FYB1: variants seen among roughly 807,000 people sequenced by gnomAD.
The protein encoded by FYB1 is FYN binding protein 1.
A neutral mutation model predicts 94.1 loss-of-function variants in FYB1; 41 were observed. The ratio of observed to expected loss-of-function variants is 0.44; its 90% CI spans 0.34 to 0.57. FYB1 has a LOEUF of 0.57. FYB1 is among the 20% of genes least tolerant of loss of function. FYB1 has a pLI of 0.02. For synonymous variants in FYB1, 367 were observed against 353.2 expected, an observed-to-expected ratio of 1.04 and a Z score of -0.44; for missense variants, 1,050 against 976.8, an observed-to-expected ratio of 1.07 and a Z score of -1.00.
chr5:39,188,029 G>A (rs1747004856), intron 2 of FYB1, among the ~76,000 whole-genome samples: 2 of 152,104 alleles, frequency 1.3e-5, no homozygotes, highest in South Asian at 4.1e-4. Flanking sequence ...GGTGTTCTGT[G>A]GGTAGAACAC....
At chr5:39,272,574 A>T (rs1216277449) in intron 1 of FYB1, among the ~76,000 whole-genome samples, 1 of 147,130 alleles carries the variant, frequency 6.8e-6, no homozygotes, top group East Asian at 2.1e-4. Context: ...CGGGAGGCTG[A>T]GGCAGGAGAA....
At chr5:39,182,464 GTCTACCTTTGGTTAATAT>G (rs1746350861) in intron 2 of FYB1, among the ~76,000 whole-genome samples, 2 of 152,096 alleles carry the variant, frequency 1.3e-5, no homozygotes, top group South Asian at 4.2e-4. Context: ...TAGACCTGAG[GTCTACCTTTGGTTAATAT>G]AAAATTTTAA....
rs71606520 is a variant in FYB1, at chr5:39,147,452, CTGTGTG to C, written c.1292+5990_1292+5995del. Among the ~76,000 whole-genome samples the C allele has an allele frequency of 5.9e-4, 86 of 144,602 alleles. No homozygotes were observed. The East Asian group carries it at 0.014, about 23-fold the overall frequency. 94.9% of individuals were successfully genotyped at this position (144,602 alleles called of 152,430 possible). ...CCCAGCTAAACTTTTGTACATATGC[CTGTGTG>C]TGTGTGTGTGTGTGTGTGTGTGTGT... On this transcript the variant is annotated intron_variant, in intron 3 of 18. Transcript: ENST00000512982.
chr5:39,228,329 G>T (rs1750572211), intron 1 of FYB1, among the ~76,000 whole-genome samples: 1 of 152,190 alleles, frequency 6.6e-6, no homozygotes, highest in South Asian at 2.1e-4. Context: ...GTATTAGAAA[G>T]ACTTTAAGCA....
chr5:39,169,522 C>T (rs2150394782), intron 2 of FYB1: 3 of 574,660 alleles, frequency 5.2e-6, no homozygotes, highest in South Asian at 4.4e-5. Flanking sequence ...GAGGCAGAGT[C>T]CATCTGCTGT....
intron 1 of FYB1, among the ~76,000 whole-genome samples, chr5:39,215,505 G>A (rs957006062): frequency 6.6e-5 from 10 of 152,216 alleles, no homozygotes; most frequent in African/African-American, 2.4e-4. Flanking sequence ...AACCCACCCT[G>A]CTGTGCTCCT....
At position 39,138,708 on chromosome 5, in the gene FYB1, T is replaced by C. The variant is rs754234244; in HGVS notation, c.1360-17A>G. ...GTCTTGTTCCTGTAAAGAAAAACAT[T>C]GATAATGATTAATTTTTATTATTTA... On this transcript the variant is annotated splice_polypyrimidine_tract_variant and intron_variant, in intron 5 of 18. Transcript: ENST00000512982. The C allele has an allele frequency of 4.2e-5, 59 of 1,392,630 alleles. 1 individual carries two copies. The South Asian group carries it at 6.1e-4, about 14-fold the overall frequency. The allele number at this position is 1,392,630 out of a possible 1,614,324, so 86.3% of individuals were successfully genotyped here. A position where few individuals can be genotyped will look rare whatever the true frequency, so the allele number is the denominator to read the frequency against.
chr5:39,216,640 C>T (rs1420495924), intron 1 of FYB1, among the ~76,000 whole-genome samples: 1 of 152,124 alleles, frequency 6.6e-6, no homozygotes, highest in Non-Finnish European at 1.5e-5. Context: ...ATCCAACAGT[C>T]TATGTGGATG....
chr5:39,268,042 T>C (rs975534017), intron 1 of FYB1, among the ~76,000 whole-genome samples: 2 of 152,144 alleles, frequency 1.3e-5, no homozygotes, highest in African/African-American at 2.4e-5. Flanking sequence ...ACTCCAATAT[T>C]ATTAAAGATA....
intron 7 of FYB1, 55 bp from the exon 8 acceptor site, chr5:39,135,069 T>C (rs1741562667): frequency 6.3e-7 from 1 of 1,575,650 alleles, no homozygotes; most frequent in South Asian, 1.1e-5. Context: ...AGAAAATCTT[T>C]AAGGAATGCA....
intron 2 of FYB1, among the ~76,000 whole-genome samples, chr5:39,158,814 A>G (rs1014375763): frequency 1.3e-5 from 2 of 152,162 alleles, no homozygotes; most frequent in Non-Finnish European, 2.9e-5. Context: ...CAAAGACGTT[A>G]TACCATATTG....
intron 3 of FYB1, among the ~76,000 whole-genome samples, chr5:39,151,668 ACTC>A (rs1201211659): frequency 1.3e-5 from 2 of 151,882 alleles, no homozygotes; most frequent in Non-Finnish European, 2.9e-5. Context: ...TATTTCCTGA[ACTC>A]CTATTACAAA....
chr5:39,119,686 G>C (rs7723939), intron 14 of FYB1, 52 bp from the exon 15 acceptor site: 2 of 1,428,406 alleles, frequency 1.4e-6, no homozygotes, highest in East Asian at 5.4e-5. Context: ...AAATTAAAAA[G>C]AATAGTCCAT....
intron 9 of FYB1, 95 bp downstream of exon 9, chr5:39,134,113 A>C: frequency 1.2e-6 from 1 of 855,078 alleles, no homozygotes. Context: ...AGAGAGCAGT[A>C]GGAGTTATGG....
chr5:39,182,173 C>T (rs1393219314), intron 2 of FYB1, among the ~76,000 whole-genome samples: 3 of 152,086 alleles, frequency 2.0e-5, no homozygotes, highest in African/African-American at 7.2e-5. Flanking sequence ...TATTGCTTTT[C>T]CCTGCTTTCT....
At chr5:39,128,432 G>A (rs1181032271) in intron 10 of FYB1, among the ~76,000 whole-genome samples, 5 of 152,074 alleles carry the variant, frequency 3.3e-5, no homozygotes, top group African/African-American at 1.2e-4. Flanking sequence ...CTTTTAGTAT[G>A]AGAACTTTAG....
chr5:39,116,297 C>A (rs1478509465), intron 16 of FYB1, among the ~76,000 whole-genome samples: 3 of 152,164 alleles, frequency 2.0e-5, no homozygotes, highest in Admixed American at 1.3e-4. Context: ...TACCATATAA[C>A]CATGTGGTTT....
At chr5:39,133,351 C>G (rs1157858752) in intron 9 of FYB1, among the ~76,000 whole-genome samples, 1 of 152,092 alleles carries the variant, frequency 6.6e-6, no homozygotes, top group Non-Finnish European at 1.5e-5. Context: ...TGAACTGGAC[C>G]AGAGATTTTC....
At chr5:39,185,327 A>T (rs1561229444) in intron 2 of FYB1, among the ~76,000 whole-genome samples, 2 of 151,944 alleles carry the variant, frequency 1.3e-5, no homozygotes, top group Non-Finnish European at 1.5e-5. Flanking sequence ...CCTAAGCCTT[A>T]GGTGATTCTT....
Sources: gnomAD v4.1 joint callset for allele counts (sites outside exome capture counted in the v4.1 genomes callset) on GRCh38, gnomAD v4.1.1 for gene constraint, MANE v1.5 for transcripts, NCBI Gene and HGNC (gene_info 2026-07-23, HGNC 2026-07-21) for gene names.